The following ZNF2 variants were observed in gnomAD, a reference collection of about 807,000 sequenced individuals.
ZNF2 encodes the protein zinc finger protein 2.
ZNF2 carries 12 observed loss-of-function variants against 21.9 expected under a neutral mutation model. The ratio of observed to expected loss-of-function variants is 0.55; its 90% confidence interval spans 0.35 to 0.89. The LOEUF is 0.89. Ranked by LOEUF, ZNF2 falls within the 40% of genes least tolerant of loss-of-function variation. The pLI, the probability that ZNF2 is intolerant of heterozygous loss-of-function variation, is 0.01. For missense variants in ZNF2, 462 were observed against 544.2 expected (o/e 0.85, Z 1.50); for synonymous variants, 186 against 196.3 (o/e 0.95, Z 0.44).
intron 1 of ZNF2, among the ~76,000 whole-genome samples, chr2:95,167,735 T>A (rs2104492194): frequency 6.6e-6 from 1 of 150,966 alleles, no homozygotes; most frequent in South Asian, 2.1e-4. Flanking sequence ...TAATCCCAGC[T>A]ACTTGGGAGG....
At position 95,180,277 on chromosome 2, in the gene ZNF2, CTGAGTG is replaced by C. The variant is rs1674595440; in HGVS notation, c.274+9_274+14del. ...GGCCAGAGAGTGTCTCTCTAGGTAACTGAGTGTGAACAAGACAGAATGGAATTTTGT... is the reference window on the plus strand; with the variant it reads ...GGCCAGAGAGTGTCTCTCTAGGTAACTGAACAAGACAGAATGGAATTTTGT... On this transcript the variant is annotated splice_donor_region_variant and intron_variant, in intron 4 of 4. Coordinates refer to ENST00000614034, the MANE Select transcript of ZNF2 (RefSeq NM_021088.4). 6.3e-7 allele frequency: 1 copy of C among 1,593,580 alleles called. No individual in the cohort carries two copies. Among genetic ancestry groups the C allele is most frequent in the African/African-American group, 1.3e-5 (1 of 74,560 alleles).
rs1674680211 is a variant in ZNF2, at chr2:95,181,860, C to T, written c.1032C>T (p.Asn344=). ...AHAGDPRYQC[N]ECGKAFFDRS... is the part of the protein sequence containing the mutation. ...CTGGGGACCCTCGCTATCAGTGTAACGAGTGTGGCAAAGCTTTCTTTGACC... is the reference window on the plus strand; with the variant it reads ...CTGGGGACCCTCGCTATCAGTGTAATGAGTGTGGCAAAGCTTTCTTTGACC... The change falls in exon 5 of 5, where the codon AAC becomes AAT. Residue 344 remains asparagine (N), a synonymous_variant. Coordinates refer to ENST00000614034, the MANE Select transcript of ZNF2 (RefSeq NM_021088.4). The T allele has an allele frequency of 5.0e-6, 8 of 1,614,216 alleles. No individual in the cohort carries two copies. In the East Asian group the frequency reaches 8.9e-5, roughly 18 times the overall value.
chr2:95,174,434 T>A (rs1193700838), intron 1 of ZNF2, among the ~76,000 whole-genome samples: 2 of 152,196 alleles, frequency 1.3e-5, no homozygotes, highest in African/African-American at 2.4e-5. Flanking sequence ...GCCTACCTCT[T>A]TTCCCTCATC....
At position 95,181,534 on chromosome 2, in the gene ZNF2, A is replaced by G; in HGVS notation, c.706A>G (p.Lys236Glu). Residue 236 changes from lysine (K) to glutamate (E), a missense_variant, in exon 5 of 5, where the codon AAA becomes GAA. Lys to Glu is a moderately conservative substitution (Grantham distance 56, BLOSUM62 1). Transcript: ENST00000614034. ...ESPYECSVCS[K>E]AFFDRSSLTV... is the part of the protein sequence containing the mutation. ...CCCCTACGAGTGCAGTGTGTGCTCAAAAGCCTTCTTTGACCGTTCGTCCCT... is the reference window on the plus strand; with the variant it reads ...CCCCTACGAGTGCAGTGTGTGCTCAGAAGCCTTCTTTGACCGTTCGTCCCT... The G allele has an allele frequency of 6.2e-7, 1 of 1,614,198 alleles. No homozygotes were observed. Among genetic ancestry groups the G allele is most frequent in the Non-Finnish European group, 8.5e-7 (1 of 1,180,034 alleles).
chr2:95,181,554 G>C lies in ZNF2; in HGVS notation c.726G>C (p.Ser242=). ...SVCSKAFFDR[S]SLTVHQRIHT... is the part of the protein sequence containing the mutation. ...GCTCAAAAGCCTTCTTTGACCGTTC[G>C]TCCCTAACTGTCCATCAGCGAATTC... The change falls in exon 5 of 5, where the codon TCG becomes TCC. Residue 242 remains serine (S), a synonymous_variant. Coordinates refer to ENST00000614034, the MANE Select transcript of ZNF2 (RefSeq NM_021088.4). 1 of 1,614,072 alleles carries C rather than the reference G, an allele frequency of 6.2e-7. No homozygotes were observed. Among genetic ancestry groups the C allele is most frequent in the Non-Finnish European group, 8.5e-7 (1 of 1,179,998 alleles).
chr2:95,167,289 G>A (rs1177732362), intron 1 of ZNF2, among the ~76,000 whole-genome samples: 1 of 152,090 alleles, frequency 6.6e-6, no homozygotes, highest in African/African-American at 2.4e-5. Flanking sequence ...CGGATCACGA[G>A]GTCAGGAGAT....
At chr2:95,176,396 A>G (rs888360048) in intron 2 of ZNF2, 137 bp downstream of exon 2, 31 of 1,051,044 alleles carry the variant, frequency 2.9e-5, no homozygotes, top group African/African-American at 2.5e-4. Context: ...TTTCTTTCCT[A>G]TTTGACTTGA....
In ZNF2 at chr2:95,183,118, T is replaced by C. The variant is rs1189821790; in HGVS notation, c.*1012T>C. On this transcript the variant is annotated 3_prime_UTR_variant, in exon 5 of 5. Coordinates refer to ENST00000614034, the MANE Select transcript of ZNF2 (RefSeq NM_021088.4). ...TTTCTAATTCCAGTTCTTCCTGCTT[T>C]ATTGAAGAGGGATGTGCTAAGCTGT... The C allele has an allele frequency of 2.0e-5, 3 of 152,206 alleles. No individual in the cohort carries two copies. Among genetic ancestry groups the C allele is most frequent in the Non-Finnish European group, 4.4e-5 (3 of 68,066 alleles). 9.4% of individuals were successfully genotyped at this position (152,206 alleles called of 1,614,324 possible).
rs190092086 is a variant in ZNF2 at position 95,168,986 on chromosome 2, A to G, written c.-40+3126A>G. 4.5e-4 allele frequency among the ~76,000 whole-genome samples: 68 copies of G among 152,312 alleles called. 4 individuals are homozygous for G. In the East Asian group the frequency reaches 9.7e-3, roughly 22 times the overall value. On this transcript the variant is annotated intron_variant, in intron 1 of 4. Coordinates refer to ENST00000614034, the MANE Select transcript of ZNF2 (RefSeq NM_021088.4). Reference sequence around the variant, plus strand: ...GTCAAGGGCTCGTTTGAAGATATAGACTGAATTTAGGGGACATTTTCTCCA... The same window carrying G: ...GTCAAGGGCTCGTTTGAAGATATAGGCTGAATTTAGGGGACATTTTCTCCA...
At chr2:95,177,415 G>A (rs935840704) in intron 2 of ZNF2, 68 bp from the exon 3 acceptor site, 1 of 1,564,748 alleles carries the variant, frequency 6.4e-7, no homozygotes, top group African/African-American at 1.4e-5. Context: ...TGTCATCTTT[G>A]ACATTTTTGG....
At chr2:95,166,006 C>T (rs1674016144) in intron 1 of ZNF2, 146 bp downstream of exon 1, 1 of 152,148 alleles carries the variant, frequency 6.6e-6, no homozygotes, top group Non-Finnish European at 1.5e-5. Flanking sequence ...CGCGACGTCT[C>T]GGTGCGGACG....
Position 95,184,266 on chromosome 2 carries a change from T to C in ZNF2, c.*2160T>C, listed in dbSNP as rs1270694882. The C allele has an allele frequency of 1.3e-5, 2 of 152,168 alleles. No individual in the cohort carries two copies. The highest frequency in any genetic ancestry group is 2.9e-5 in the Non-Finnish European group (2 of 68,034). 9.4% of individuals were successfully genotyped at this position (152,168 alleles called of 1,614,324 possible). A position where few individuals can be genotyped will look rare whatever the true frequency, so the allele number is the denominator to read the frequency against. On this transcript the variant is annotated 3_prime_UTR_variant, in exon 5 of 5. Coordinates refer to ENST00000614034, the MANE Select transcript of ZNF2 (RefSeq NM_021088.4). Reference sequence around the variant, plus strand: ...ACAGAATCTATAGGTGTGGACAATATGTGATATTGCTAAATAATGTCAAGT... The same window carrying C: ...ACAGAATCTATAGGTGTGGACAATACGTGATATTGCTAAATAATGTCAAGT...
chr2:95,175,648 A>G (rs1674415052), intron 1 of ZNF2, among the ~76,000 whole-genome samples: 3 of 152,066 alleles, frequency 2.0e-5, no homozygotes, highest in Non-Finnish European at 4.4e-5. Flanking sequence ...TCACATCTCA[A>G]TCTACTAGTC....
At chr2:95,173,108 G>T (rs1674337401) in intron 1 of ZNF2, among the ~76,000 whole-genome samples, 1 of 151,488 alleles carries the variant, frequency 6.6e-6, no homozygotes, top group Non-Finnish European at 1.5e-5. Context: ...ATTTTTGTAG[G>T]TATTATTTAC....
chr2:95,171,991 GAC>G (rs1674288429), intron 1 of ZNF2, among the ~76,000 whole-genome samples: 1 of 152,182 alleles, frequency 6.6e-6, no homozygotes, highest in South Asian at 2.1e-4. Flanking sequence ...AAGGGGAAAA[GAC>G]AAGCCGGGTA....
chr2:95,167,242 G>A (rs1199565930), intron 1 of ZNF2, among the ~76,000 whole-genome samples: 1 of 152,204 alleles, frequency 6.6e-6, no homozygotes, highest in East Asian at 1.9e-4. Context: ...AGTGGCTCAC[G>A]CCTGTAAGTC....
At chr2:95,172,378 A>C (rs2104498695) in intron 1 of ZNF2, among the ~76,000 whole-genome samples, 1 of 152,284 alleles carries the variant, frequency 6.6e-6, no homozygotes, top group East Asian at 1.9e-4. Flanking sequence ...TAGGAATAGC[A>C]GTCTCAGGTC....
Position 95,177,509 on chromosome 2 carries a change from CGTGGTTTTCACAGATGAAGA to C in ZNF2, c.65_84del (p.Val22GlufsTer20). On this transcript the variant is annotated frameshift_variant, in exon 3 of 5. Coordinates refer to ENST00000614034, the MANE Select transcript of ZNF2 (RefSeq NM_021088.4). LOFTEE classifies it high-confidence loss of function. ...AATCAGTGACATTCGAAGACGTTGC[CGTGGTTTTCACAGATGAAGA>C]GTGGAGTCGTCTGGTCCCCATACAG... 1 of 1,614,030 alleles carries C rather than the reference CGTGGTTTTCACAGATGAAGA, an allele frequency of 6.2e-7. No homozygotes were observed. Among genetic ancestry groups the C allele is most frequent in the Non-Finnish European group, 8.5e-7 (1 of 1,179,988 alleles).
rs139755932 is a variant in ZNF2 at position 95,175,397 on chromosome 2, C to T, written c.-39-791C>T. On this transcript the variant is annotated intron_variant, in intron 1 of 4. Coordinates refer to ENST00000614034, the MANE Select transcript of ZNF2 (RefSeq NM_021088.4). Reference sequence around the variant, plus strand: ...TTAGGTCTTTGCGTCAGTGTTTCACCGCTGATGGGACTGCGCTGGGCTTCC... The same window carrying T: ...TTAGGTCTTTGCGTCAGTGTTTCACTGCTGATGGGACTGCGCTGGGCTTCC... Among the ~76,000 whole-genome samples the T allele has an allele frequency of 2.5e-4, 38 of 152,256 alleles. No homozygotes were observed. The South Asian group carries it at 3.1e-3, about 12-fold the overall frequency.
Sources: gnomAD v4.1 joint callset for allele counts (sites outside exome capture counted in the v4.1 genomes callset) on GRCh38, gnomAD v4.1.1 for gene constraint, MANE v1.5 for transcripts, NCBI Gene and HGNC (gene_info 2026-07-23, HGNC 2026-07-21) for gene names.